PPP1R1C: variants seen among roughly 807,000 people sequenced by gnomAD.
The protein encoded by PPP1R1C is protein phosphatase 1 regulatory subunit 1C.
Under a neutral mutation model 17.4 loss-of-function variants are expected in PPP1R1C, and 15 were observed. The observed-to-expected ratio is 0.86, with a 90% CI of 0.58 to 1.33. The LOEUF is 1.33. Among genes scored for constraint, PPP1R1C ranks in the 40% most tolerant of loss-of-function variants. The pLI is 0.00. For synonymous variants in PPP1R1C, 35 were observed against 43.1 expected (o/e 0.81, Z 0.73); for missense variants, 143 against 130.0 (o/e 1.10, Z -0.48).
In PPP1R1C at chr2:182,003,470, A is replaced by C. The variant is rs571486636; in HGVS notation, c.142+15571A>C. Among the ~76,000 whole-genome samples, 4 of 152,278 alleles carry C rather than the reference A, an allele frequency of 2.6e-5. No individual in the cohort carries two copies. In the South Asian group the frequency reaches 8.3e-4, roughly 32 times the overall value. On this transcript the variant is annotated intron_variant, in intron 2 of 4. Transcript: ENST00000682840. ...TTACTAAATACTTGCATTTTTTAAG[A>C]TACTCAGATTCCATTTTATTTCATT...
chr2:181,980,887 T>G (rs1332471954), upstream of PPP1R1C, among the ~76,000 whole-genome samples: 1 of 151,946 alleles, frequency 6.6e-6, no homozygotes. Flanking sequence ...TTAGAGTTAG[T>G]GAAGATGAGA....
intron 4 of PPP1R1C, 98 bp from the exon 5 acceptor site, chr2:182,117,109 T>C: frequency 1.2e-6 from 1 of 847,392 alleles, no homozygotes; most frequent in Non-Finnish European, 1.9e-6. Flanking sequence ...AAACACCAAA[T>C]GAAAACTTTG....
intron 4 of PPP1R1C, among the ~76,000 whole-genome samples, chr2:182,095,092 C>A (rs2125223787): frequency 6.6e-6 from 1 of 152,084 alleles, no homozygotes; most frequent in South Asian, 2.1e-4. Context: ...AGTTGAAGAC[C>A]AACCTGGCCA....
intron 4 of PPP1R1C, among the ~76,000 whole-genome samples, chr2:182,090,854 G>A (rs1688760465): frequency 6.6e-6 from 1 of 152,156 alleles, no homozygotes; most frequent in Admixed American, 6.5e-5. Flanking sequence ...AGTCTTCACA[G>A]TTGAATGAGA....
intron 1 of PPP1R1C, among the ~76,000 whole-genome samples, chr2:181,966,420 G>A (rs1379225189): frequency 6.6e-6 from 1 of 152,116 alleles, no homozygotes; most frequent in Non-Finnish European, 1.5e-5. Context: ...TCCCCATTCA[G>A]TATGATACTA....
At chr2:182,044,692 A>G (rs1687289169) in intron 2 of PPP1R1C, among the ~76,000 whole-genome samples, 1 of 152,166 alleles carries the variant, frequency 6.6e-6, no homozygotes, top group African/African-American at 2.4e-5. Context: ...TGTCTTTTTC[A>G]ATAGAGTTTA....
At chr2:181,960,839 G>A (rs1006457108) in intron 1 of PPP1R1C, among the ~76,000 whole-genome samples, 50 of 152,194 alleles carry the variant, frequency 3.3e-4, no homozygotes, top group African/African-American at 1.1e-3. Context: ...ATCAAATCAT[G>A]AAAATTATGA....
chr2:182,034,783 A>G (rs965192934), intron 2 of PPP1R1C, among the ~76,000 whole-genome samples: 3 of 152,222 alleles, frequency 2.0e-5, no homozygotes, highest in Non-Finnish European at 4.4e-5. Context: ...GGAAAAATGT[A>G]ACTCCTCAAA....
At chr2:182,120,078 T>A (rs1236127997), downstream of PPP1R1C, among the ~76,000 whole-genome samples, 1 of 152,202 alleles carries the variant, frequency 6.6e-6, no homozygotes, top group Non-Finnish European at 1.5e-5. Context: ...CGAATTAATT[T>A]TTGTATAAGG....
upstream of PPP1R1C, chr2:181,985,830 G>A (rs1685281179): frequency 2.1e-6 from 1 of 469,778 alleles, no homozygotes; most frequent in African/African-American, 1.9e-5. This position sits in a 1 kb window ranked among gnomAD's most constrained non-coding sequence, Gnocchi z 4.1. Context: ...ATGTGTATTA[G>A]TGAAGAGGCA....
Position 181,986,099 on chromosome 2 carries a change from A to C in PPP1R1C, c.-12A>C. On this transcript the variant is annotated 5_prime_UTR_variant, in exon 1 of 5. Coordinates refer to ENST00000682840, the MANE Select transcript of PPP1R1C (RefSeq NM_001080545.3). The stretch of plus-strand genomic sequence containing the variant: ...GAGCTCTTCACATCTCTGACTAATT[A>C]TCATCATTACCATGGAGCCCAACAG... The C allele has an allele frequency of 6.2e-7, 1 of 1,610,284 alleles. No homozygotes were observed. The highest frequency in any genetic ancestry group is 1.1e-5 in the South Asian group (1 of 91,010).
chr2:182,058,361 T>C (rs1296702919), intron 2 of PPP1R1C, among the ~76,000 whole-genome samples: 1 of 152,084 alleles, frequency 6.6e-6, no homozygotes. Flanking sequence ...AGGAAGATCA[T>C]TGATATAAAG....
At chr2:182,059,413 A>G (rs1415688007) in intron 2 of PPP1R1C, among the ~76,000 whole-genome samples, 2 of 151,850 alleles carry the variant, frequency 1.3e-5, no homozygotes, top group Non-Finnish European at 2.9e-5. Context: ...AGACAGGGGT[A>G]TATTCTTATG....
intron 2 of PPP1R1C, among the ~76,000 whole-genome samples, chr2:182,057,319 G>C (rs1687715672): frequency 1.3e-5 from 2 of 152,170 alleles, no homozygotes; most frequent in South Asian, 4.1e-4. Context: ...TGCTGTGGGT[G>C]TTGGTTGGGG....
At chr2:182,123,817 G>A (rs1327906767) in intron 5 of PPP1R1C, among the ~76,000 whole-genome samples, 2 of 152,104 alleles carry the variant, frequency 1.3e-5, no homozygotes, top group Non-Finnish European at 2.9e-5. Flanking sequence ...TGTTCACTCT[G>A]ATGGTAGTTT....
At position 181,961,875 on chromosome 2, in the gene PPP1R1C, C is replaced by T. The variant is rs1320060009; in HGVS notation, n.111+7241C>T. 15 of 826,934 alleles carry T rather than the reference C, an allele frequency of 1.8e-5. No individual in the cohort carries two copies. The highest frequency in any genetic ancestry group is 2.7e-5 in the Non-Finnish European group (13 of 478,144). 51.2% of individuals were successfully genotyped at this position (826,934 alleles called of 1,614,324 possible). ...GCAGCTCCTCCTTGAGAGCCTCCAT[C>T]TCTGTCTCCAGTGGCAGCCAAGTGA... On this transcript the variant is annotated intron_variant and non_coding_transcript_variant, in intron 1 of 5. Coordinates refer to the PPP1R1C transcript ENST00000464264. The surrounding 1 kb of genome is among the most constrained non-coding windows in gnomAD (Gnocchi z 5.8).
At position 182,129,353 on chromosome 2, in the gene PPP1R1C, C is replaced by T. The variant is rs1689951133; in HGVS notation, c.*386C>T. On this transcript the variant is annotated 3_prime_UTR_variant, in exon 6 of 6. Transcript: ENST00000280295. ...CCTTCTCTTACAACAGGGAGTCTTT[C>T]AAAAACATTTTTTTGTTTCTTTTTC... is the stretch of plus-strand genomic sequence containing the variant. 2.0e-5 allele frequency: 3 copies of T among 152,106 alleles called. No homozygotes were observed. In the South Asian group the frequency reaches 6.2e-4, roughly 32 times the overall value. 9.4% of individuals were successfully genotyped at this position (152,106 alleles called of 1,614,324 possible).
intron 4 of PPP1R1C, among the ~76,000 whole-genome samples, chr2:182,077,609 C>A (rs1688351823): frequency 6.6e-6 from 1 of 152,108 alleles, no homozygotes; most frequent in African/African-American, 2.4e-5. Flanking sequence ...CAGAGCAGAT[C>A]CCATGGAGCC....
intron 4 of PPP1R1C, among the ~76,000 whole-genome samples, chr2:182,078,276 C>T (rs909148462): frequency 1.3e-5 from 2 of 152,066 alleles, no homozygotes; most frequent in South Asian, 4.1e-4. Flanking sequence ...AATTGTGAGC[C>T]ACCTTACTCA....
Sources: gnomAD v4.1 joint callset for allele counts (sites outside exome capture counted in the v4.1 genomes callset) on GRCh38, gnomAD v4.1.1 for gene constraint, Gnocchi (gnomAD v3.1) non-coding constraint, MANE v1.5 for transcripts, NCBI Gene and HGNC (gene_info 2026-07-23, HGNC 2026-07-21) for gene names.